Variants in PLCG2 observed in about 807,000 individuals in gnomAD.
PLCG2 encodes the protein 1-phosphatidylinositol 4,5-bisphosphate phosphodiesterase gamma-2.
Under a neutral mutation model 175.6 loss-of-function variants are expected in PLCG2, and 69 were observed. That is an observed-to-expected ratio of 0.39 (90% CI 0.32 to 0.48). PLCG2 has a LOEUF of 0.48. Ranked by LOEUF, PLCG2 falls within the 20% of genes least tolerant of loss-of-function variation. PLCG2 has a pLI of 0.91. For synonymous variants in PLCG2, 827 were observed against 624.0 expected (o/e 1.33, Z -4.85); for missense variants, 1,798 against 1,650.9 (o/e 1.09, Z -1.54).
chr16:81,824,270 A>C (rs1597339054), intron 2 of PLCG2, among the ~76,000 whole-genome samples: 2 of 152,022 alleles, frequency 1.3e-5, no homozygotes, highest in Non-Finnish European at 2.9e-5. Context: ...AGTAACTAGG[A>C]TTATAGGCAT....
At chr16:81,944,764 C>A (rs1212236700) in intron 30 of PLCG2, among the ~76,000 whole-genome samples, 1 of 152,174 alleles carries the variant, frequency 6.6e-6, no homozygotes, top group Non-Finnish European at 1.5e-5. Flanking sequence ...GCATGAGCCA[C>A]CGTACTTGGC....
At chr16:81,799,872 T>G (rs545161330) in intron 2 of PLCG2, among the ~76,000 whole-genome samples, 18 of 152,184 alleles carry the variant, frequency 1.2e-4, no homozygotes, top group African/African-American at 4.3e-4. Context: ...GGATTACAGG[T>G]GTGAACCACT....
intron 2 of PLCG2, among the ~76,000 whole-genome samples, chr16:81,761,829 A>ATTT (rs556864309): frequency 3.8e-5 from 5 of 130,240 alleles, no homozygotes; most frequent in African/African-American, 8.5e-5. Flanking sequence ...CACCCTGCAC[A>ATTT]TTTTTTTTTT....
intron 2 of PLCG2, among the ~76,000 whole-genome samples, chr16:81,790,579 C>G (rs1911186894): frequency 6.6e-6 from 1 of 152,174 alleles, no homozygotes; most frequent in African/African-American, 2.4e-5. Context: ...TTAGCAGGAA[C>G]TTGCTGGTTA....
At chr16:81,874,462 C>T (rs934864856) in intron 7 of PLCG2, among the ~76,000 whole-genome samples, 3 of 152,186 alleles carry the variant, frequency 2.0e-5, no homozygotes, top group African/African-American at 7.2e-5. Context: ...TGGCTTCTGG[C>T]CAGCTCTAAG....
intron 9 of PLCG2, among the ~76,000 whole-genome samples, chr16:81,885,570 A>G (rs1444028700): frequency 6.6e-6 from 1 of 151,936 alleles, no homozygotes; most frequent in East Asian, 1.9e-4. Flanking sequence ...CAAACCCCAG[A>G]CTTTGCGTCA....
chr16:81,761,111 G>C (rs929256397), intron 2 of PLCG2, among the ~76,000 whole-genome samples: 13 of 152,120 alleles, frequency 8.5e-5, no homozygotes, highest in Non-Finnish European at 1.8e-4. Context: ...TGCCCAGGCT[G>C]GTCTCAAACT....
At chr16:81,853,914 T>A (rs905910373) in intron 2 of PLCG2, among the ~76,000 whole-genome samples, 53 of 152,262 alleles carry the variant, frequency 3.5e-4, no homozygotes, top group African/African-American at 1.3e-3. Context: ...GGTTGGCCTC[T>A]TATTATTATT....
chr16:81,938,851 C>G lies in PLCG2; in HGVS notation c.3249C>G (p.Pro1083=), dbSNP rs775558455. The G allele has an allele frequency of 6.8e-6, 11 of 1,613,760 alleles. No individual in the cohort carries two copies. In the East Asian group the frequency reaches 2.0e-4, roughly 29 times the overall value. The change falls in exon 29 of 33, where the codon CCC becomes CCG. Residue 1083 remains proline, a synonymous_variant. Transcript: ENST00000564138. ...LPKLGRSIAC[P]FVEVEICGAE... is the part of the protein sequence containing the mutation. ...AACTTGGACGAAGTATTGCCTGTCC[C>G]TTTGTAGAAGTGGAGATCTGTGGAG...
At chr16:81,874,245 G>A (rs949595137) in intron 7 of PLCG2, among the ~76,000 whole-genome samples, 9 of 152,134 alleles carry the variant, frequency 5.9e-5, no homozygotes, top group South Asian at 2.1e-4. Flanking sequence ...GTCACATCTC[G>A]CCATGGAACG....
Position 81,764,534 on chromosome 16 carries a change from C to G in PLCG2, c.-48+8568C>G, listed in dbSNP as rs535270679. 2.0e-5 allele frequency among the ~76,000 whole-genome samples: 3 copies of G among 152,336 alleles called. No individual in the cohort carries two copies. The East Asian group carries it at 5.8e-4, about 29-fold the overall frequency. On this transcript the variant is annotated intron_variant, in intron 2 of 5. Coordinates refer to the PLCG2 transcript ENST00000565054. ...CACTTTTGCGACACTGATCACTGGC[C>G]AAGCGTGCCCCGTGCAGGTCTCACC...
intron 2 of PLCG2, among the ~76,000 whole-genome samples, chr16:81,772,883 C>A (rs1910314102): frequency 6.6e-6 from 1 of 152,138 alleles, no homozygotes; most frequent in Non-Finnish European, 1.5e-5. Context: ...AAAAGGGAGA[C>A]CTTCGGATGC....
chr16:81,949,889 A>T (rs16956082), intron 31 of PLCG2, among the ~76,000 whole-genome samples: 17,187 of 152,258 alleles, frequency 0.11, 1,059 homozygotes, highest in Admixed American at 0.16. Context: ...ACGACTAGGG[A>T]ATCAGTCAGT....
chr16:81,788,296 T>C (rs1911073348), intron 2 of PLCG2, among the ~76,000 whole-genome samples: 1 of 152,208 alleles, frequency 6.6e-6, no homozygotes, highest in South Asian at 2.1e-4. Context: ...ATATATATTT[T>C]AATAGACAGA....
intron 1 of PLCG2, chr16:81,783,265 GC>G (rs1254247308): frequency 6.6e-6 from 2 of 303,160 alleles, no homozygotes; most frequent in Non-Finnish European, 1.3e-5. Context: ...GTGGTTGGCA[GC>G]TGGGTCAAAT....
chr16:81,769,941 T>C (rs967258254), intron 2 of PLCG2, among the ~76,000 whole-genome samples: 6 of 152,010 alleles, frequency 3.9e-5, no homozygotes, highest in African/African-American at 1.5e-4. Flanking sequence ...TTTTCTTATC[T>C]GTAAAGCTGT....
intron 2 of PLCG2, among the ~76,000 whole-genome samples, chr16:81,794,375 C>G (rs925056647): frequency 1.3e-5 from 2 of 152,192 alleles, no homozygotes; most frequent in Non-Finnish European, 2.9e-5. Context: ...TATTTTCTCG[C>G]TGGCATCTCC....
intron 2 of PLCG2, among the ~76,000 whole-genome samples, chr16:81,837,277 TCA>T (rs1317407534): frequency 6.6e-6 from 1 of 152,244 alleles, no homozygotes; most frequent in African/African-American, 2.4e-5. Context: ...CTGCCAGTTC[TCA>T]GACTACCTCA....
intron 2 of PLCG2, among the ~76,000 whole-genome samples, chr16:81,789,791 C>A (rs930035463): frequency 4.6e-5 from 7 of 152,016 alleles, no homozygotes. Context: ...CCCTCCTCTC[C>A]CTCCTCTTCT....
Sources: allele counts gnomAD v4.1 joint callset (sites outside exome capture counted in the v4.1 genomes callset), GRCh38; gene constraint gnomAD v4.1.1; transcripts MANE v1.5; gene names NCBI Gene and HGNC (gene_info 2026-07-23, HGNC 2026-07-21).